SLC1A2: variants seen among roughly 807,000 people sequenced by gnomAD.
The protein encoded by SLC1A2 is excitatory amino acid transporter 2.
Under a neutral mutation model 48.8 loss-of-function variants are expected in SLC1A2, and 15 were observed. The ratio of observed to expected loss-of-function variants is 0.31; its 90% CI spans 0.21 to 0.47. The LOEUF is 0.47. Among genes scored for constraint, SLC1A2 ranks in the 20% least tolerant of loss-of-function variants. The probability of loss-of-function intolerance (pLI) is 0.99; values close to 1 mark genes in which losing one functional copy is unlikely to be tolerated. For synonymous variants in SLC1A2, 279 were observed against 272.6 expected, an observed-to-expected ratio of 1.02 and a Z score of -0.23; for missense variants, 502 against 730.5, an observed-to-expected ratio of 0.69 and a Z score of 3.61.
Position 35,292,327 on chromosome 11 carries a change from T to A in SLC1A2, c.1051A>T (p.Ile351Phe). The A allele has an allele frequency of 3.7e-6, 6 of 1,613,824 alleles. No homozygotes were observed. The highest frequency in any genetic ancestry group is 5.1e-6 in the Non-Finnish European group (6 of 1,179,888). The change falls in exon 7 of 11, where the codon ATT becomes TTT. Residue 351 changes from isoleucine (I) to phenylalanine (F), a missense_variant. Ile to Phe is a conservative substitution (Grantham distance 21). Transcript: ENST00000278379. Reference protein sequence around the residue: ...RKNPFSFFAGIFQAWITALGT... With the variant: ...RKNPFSFFAGFFQAWITALGT... ...AGGGCAGTGATCCAAGCTTGGAAAA[T>A]GCCAGCAAAAAAGGAGAAGGGGTTT...
chr11:35,279,445 G>A (rs369635606), intron 9 of SLC1A2, among the ~76,000 whole-genome samples: 3 of 152,322 alleles, frequency 2.0e-5, no homozygotes, highest in East Asian at 3.9e-4. Context: ...GAGGATGTCC[G>A]TCTTGCTCAC....
intron 1 of SLC1A2, among the ~76,000 whole-genome samples, chr11:35,404,036 A>C (rs1855211888): frequency 6.8e-6 from 1 of 146,900 alleles, no homozygotes; most frequent in Non-Finnish European, 1.5e-5. Context: ...TTTACCAAAA[A>C]CACAACGTTT....
intron 4 of SLC1A2, among the ~76,000 whole-genome samples, chr11:35,310,635 C>T (rs1851657916): frequency 6.6e-6 from 1 of 152,184 alleles, no homozygotes; most frequent in South Asian, 2.1e-4. Flanking sequence ...TTCCTAAGCT[C>T]ATTCTTCTGT....
chr11:35,419,800 C>A, upstream of SLC1A2: 1 of 338,256 alleles, frequency 3.0e-6, no homozygotes, highest in South Asian at 2.2e-5. The surrounding 1 kb of genome is among the most constrained non-coding windows in gnomAD (Gnocchi z 5.4). Flanking sequence ...GGGTGAAGCG[C>A]AGGCGACCGC....
At chr11:35,322,935 C>T in intron 1 of SLC1A2, 2 of 606,716 alleles carry the variant, frequency 3.3e-6, no homozygotes, top group Non-Finnish European at 2.9e-6. Context: ...CTCCACCCTT[C>T]CTAGATCCTG....
chr11:35,288,224 A>T (rs1425725974), intron 7 of SLC1A2, among the ~76,000 whole-genome samples: 3 of 152,214 alleles, frequency 2.0e-5, no homozygotes, highest in African/African-American at 7.2e-5. Context: ...ACGAGCTCCT[A>T]AAACAACCTT....
chr11:35,359,688 G>A (rs1853606912), intron 1 of SLC1A2, among the ~76,000 whole-genome samples: 2 of 152,220 alleles, frequency 1.3e-5, no homozygotes, highest in Non-Finnish European at 2.9e-5. Context: ...CCAAGTACTT[G>A]GCTCACTGCC....
intron 9 of SLC1A2, among the ~76,000 whole-genome samples, chr11:35,271,000 G>C (rs961034064): frequency 1.3e-5 from 2 of 152,210 alleles, no homozygotes; most frequent in African/African-American, 4.8e-5. Context: ...GCCTGAAAGA[G>C]TGAAATCCAG....
chr11:35,356,143 CTT>C (rs1364678685), intron 1 of SLC1A2, among the ~76,000 whole-genome samples: 2 of 152,170 alleles, frequency 1.3e-5, no homozygotes, highest in African/African-American at 4.8e-5. Flanking sequence ...GATTCTATAA[CTT>C]TGTACTTAGC....
At chr11:35,387,060 C>T (rs1854605374) in intron 1 of SLC1A2, among the ~76,000 whole-genome samples, 1 of 152,132 alleles carries the variant, frequency 6.6e-6, no homozygotes, top group Non-Finnish European at 1.5e-5. Context: ...ATCCACCACA[C>T]CCAGTAATCT....
At chr11:35,338,401 T>G (rs533839896) in intron 1 of SLC1A2, among the ~76,000 whole-genome samples, 1 of 152,276 alleles carries the variant, frequency 6.6e-6, no homozygotes, top group East Asian at 1.9e-4. Context: ...CTCCCGTCCC[T>G]ATGGTTTGGA....
chr11:35,291,014 C>T (rs1292600310), intron 7 of SLC1A2, among the ~76,000 whole-genome samples: 6 of 152,046 alleles, frequency 3.9e-5, no homozygotes, highest in East Asian at 1.9e-4. Context: ...GCTCAGTAGC[C>T]GTGGAGCAAC....
At chr11:35,326,682 G>A (rs1852263219) in intron 1 of SLC1A2, among the ~76,000 whole-genome samples, 1 of 152,168 alleles carries the variant, frequency 6.6e-6, no homozygotes, top group Non-Finnish European at 1.5e-5. Context: ...CTTGCAAATT[G>A]CAAGATTTAC....
chr11:35,376,689 AT>A (rs1468299035), intron 1 of SLC1A2, among the ~76,000 whole-genome samples: 2 of 152,214 alleles, frequency 1.3e-5, no homozygotes, highest in African/African-American at 4.8e-5. Context: ...TTAACATTAT[AT>A]CTGTTTTCAA....
chr11:35,404,211 CT>C (rs936236782), intron 1 of SLC1A2: 11 of 152,290 alleles, frequency 7.2e-5, no homozygotes, highest in Admixed American at 7.2e-4. Flanking sequence ...TTTTCAATCC[CT>C]TGAGTGTCTA....
chr11:35,409,906 C>T (rs563660887), intron 1 of SLC1A2, among the ~76,000 whole-genome samples: 172 of 152,124 alleles, frequency 1.1e-3, no homozygotes, highest in Non-Finnish European at 1.9e-3. Flanking sequence ...AAGGCTCTGT[C>T]TCAAAAACAA....
chr11:35,355,173 A>G (rs1853412103), intron 1 of SLC1A2, among the ~76,000 whole-genome samples: 1 of 152,222 alleles, frequency 6.6e-6, no homozygotes, highest in Admixed American at 6.5e-5. Flanking sequence ...CCCTTTGGCC[A>G]ATGTGAGTTC....
At chr11:35,329,843 T>A (rs970062674) in intron 1 of SLC1A2, among the ~76,000 whole-genome samples, 3 of 152,242 alleles carry the variant, frequency 2.0e-5, no homozygotes, top group African/African-American at 7.2e-5. Context: ...ACAGGTTATT[T>A]TTCTATCCTG....
At chr11:35,317,551 T>G (rs767693208) in intron 1 of SLC1A2, 35 bp from the exon 2 acceptor site, 4 of 1,602,700 alleles carry the variant, frequency 2.5e-6, no homozygotes, top group Non-Finnish European at 3.4e-6. Context: ...TTAGAGAGAC[T>G]GGCACCTCCC....
Sources: allele counts gnomAD v4.1 joint callset (sites outside exome capture counted in the v4.1 genomes callset), GRCh38; gene constraint gnomAD v4.1.1; non-coding constraint Gnocchi (gnomAD v3.1); transcripts MANE v1.5; gene names NCBI Gene and HGNC (gene_info 2026-07-23, HGNC 2026-07-21).